Variants in FBXL20 observed in about 807,000 individuals in gnomAD.
FBXL20 encodes F-box and leucine rich repeat protein 20.
Under a neutral mutation model 64.0 loss-of-function variants are expected in FBXL20, and 11 were observed. The observed-to-expected ratio is 0.17, with a 90% CI of 0.11 to 0.28. FBXL20 has a LOEUF of 0.28. Among genes scored for constraint, FBXL20 ranks in the 10% least tolerant of loss-of-function variants. FBXL20 has a pLI of 1.00. For synonymous variants in FBXL20, 184 were observed against 189.0 expected (o/e 0.97, Z 0.22); for missense variants, 303 against 526.2 (o/e 0.58, Z 4.15).
chr17:39,402,282 T>C (rs1295997032), upstream of FBXL20: 2 of 1,156,510 alleles, frequency 1.7e-6, no homozygotes, highest in Middle Eastern at 3.2e-4. Context: ...GCCTCCGCGG[T>C]TGCCGCCGCC....
intron 10 of FBXL20, among the ~76,000 whole-genome samples, chr17:39,273,339 G>A (rs1466755530): frequency 6.6e-6 from 1 of 152,058 alleles, no homozygotes; most frequent in Admixed American, 6.6e-5. Flanking sequence ...CAACAATTAT[G>A]GTTAGGCCAG....
chr17:39,306,181 T>C (rs1262260273), intron 2 of FBXL20, among the ~76,000 whole-genome samples: 3 of 150,672 alleles, frequency 2.0e-5, no homozygotes, highest in Non-Finnish European at 1.5e-5. Context: ...GACGGAGTTT[T>C]GCTCTGTCGC....
At chr17:39,394,477 C>G (rs1028920416) in intron 1 of FBXL20, among the ~76,000 whole-genome samples, 4 of 151,634 alleles carry the variant, frequency 2.6e-5, no homozygotes, top group Non-Finnish European at 5.9e-5. Context: ...TGGGGTTTCA[C>G]CGTGTTAGCC....
At chr17:39,284,283 A>G (rs1212602629) in intron 7 of FBXL20, among the ~76,000 whole-genome samples, 1 of 152,228 alleles carries the variant, frequency 6.6e-6, no homozygotes, top group Non-Finnish European at 1.5e-5. Context: ...CAAGTTTATT[A>G]GCCTACACAG....
At chr17:39,303,129 T>C (rs1406392220) in intron 3 of FBXL20, among the ~76,000 whole-genome samples, 2 of 152,112 alleles carry the variant, frequency 1.3e-5, no homozygotes, top group Non-Finnish European at 2.9e-5. Context: ...TGCATCAACA[T>C]GTGACTTCAT....
At chr17:39,320,600 T>TC (rs1169638603) in intron 2 of FBXL20, among the ~76,000 whole-genome samples, 1 of 151,698 alleles carries the variant, frequency 6.6e-6, no homozygotes, top group East Asian at 1.9e-4. Flanking sequence ...GAATTTTTTT[T>TC]TTTTTTTTTT....
chr17:39,335,851 G>A (rs567514486), intron 2 of FBXL20, among the ~76,000 whole-genome samples: 2 of 152,182 alleles, frequency 1.3e-5, no homozygotes, highest in South Asian at 4.1e-4. Context: ...AGTATAAAAG[G>A]GGAAACAGGC....
At chr17:39,368,693 T>C (rs1213387924) in intron 1 of FBXL20, among the ~76,000 whole-genome samples, 1 of 152,192 alleles carries the variant, frequency 6.6e-6, no homozygotes, top group African/African-American at 2.4e-5. Context: ...TCTCGCTCTG[T>C]TGCCCAGGCT....
intron 2 of FBXL20, among the ~76,000 whole-genome samples, chr17:39,314,146 T>A (rs1437159791): frequency 6.6e-6 from 1 of 152,158 alleles, no homozygotes; most frequent in African/African-American, 2.4e-5. Context: ...CTCTATAGAT[T>A]TGCCTATTCC....
rs2046744697 is a variant in FBXL20 at position 39,261,461 on chromosome 17, C to T, written c.1310G>A (p.Ter437=). Residue 437 remains the stop codon, a stop_retained_variant, in exon 15 of 15, where the codon TGA becomes TAA. Transcript: ENST00000264658. ...QRFCRCCIIL[*] ...CGCCAAGGTTGACCACCTCCATTGT[C>T]ATAGGATGATGCAGCATCTGCAGAA... 6.2e-7 allele frequency: 1 copy of T among 1,612,472 alleles called. No homozygotes were observed. The highest frequency in any genetic ancestry group is 8.5e-7 in the Non-Finnish European group (1 of 1,178,656).
At chr17:39,263,336 A>G (rs1398411043) in intron 14 of FBXL20, among the ~76,000 whole-genome samples, 1 of 152,056 alleles carries the variant, frequency 6.6e-6, no homozygotes, top group Non-Finnish European at 1.5e-5. Context: ...GCAACATGGT[A>G]AAATGCCGTC....
intron 6 of FBXL20, among the ~76,000 whole-genome samples, chr17:39,291,607 G>A (rs775360375): frequency 6.6e-6 from 1 of 151,296 alleles, no homozygotes; most frequent in South Asian, 2.1e-4. Context: ...CTAATTTTTC[G>A]AATTTTTAGT....
upstream of FBXL20, chr17:39,401,722 G>T: frequency 9.1e-7 from 1 of 1,103,918 alleles, no homozygotes; most frequent in Non-Finnish European, 1.1e-6. Flanking sequence ...GAGCGCCCGG[G>T]AGGGGGAGGG....
chr17:39,350,913 T>C (rs762769964), intron 1 of FBXL20, among the ~76,000 whole-genome samples: 3 of 152,176 alleles, frequency 2.0e-5, no homozygotes, highest in Non-Finnish European at 2.9e-5. Context: ...ACAAGACCTC[T>C]ATGTGATACT....
In FBXL20 at chr17:39,352,693, A is replaced by G. The variant is rs1057447280; in HGVS notation, c.43-9452T>C. ...GAAGCTCTGTCTGGGAAAAAAAAAA[A>G]AAAAGAAAAGAAGAAAAAAAAGGAA... On this transcript the variant is annotated intron_variant, in intron 1 of 14. Transcript: ENST00000264658. Among the ~76,000 whole-genome samples the G allele has an allele frequency of 1.0e-3, 156 of 151,766 alleles. 1 individual carries two copies. Among genetic ancestry groups the G allele is most frequent in the African/African-American group, 3.6e-3 (149 of 41,386 alleles).
At chr17:39,300,348 A>C (rs1463260356) in intron 4 of FBXL20, among the ~76,000 whole-genome samples, 1 of 152,188 alleles carries the variant, frequency 6.6e-6, no homozygotes, top group Non-Finnish European at 1.5e-5. Flanking sequence ...TTTAATCCTT[A>C]AGAAGCCATG....
chr17:39,345,070 T>C (rs1301354844), intron 1 of FBXL20, among the ~76,000 whole-genome samples: 3 of 152,146 alleles, frequency 2.0e-5, no homozygotes, highest in Non-Finnish European at 1.5e-5. Flanking sequence ...AAATGGCACA[T>C]ACACATGTGA....
intron 10 of FBXL20, among the ~76,000 whole-genome samples, chr17:39,272,305 G>A (rs971243540): frequency 3.3e-5 from 5 of 151,290 alleles, no homozygotes; most frequent in African/African-American, 1.2e-4. Context: ...ACAATCACTT[G>A]AACCCAGGAG....
intron 1 of FBXL20, among the ~76,000 whole-genome samples, chr17:39,358,545 T>A (rs563659282): frequency 1.3e-5 from 2 of 152,072 alleles, no homozygotes; most frequent in African/African-American, 4.8e-5. Context: ...TATCCGGGCG[T>A]GGTGGCGTAC....
Sources: gnomAD v4.1 joint callset for allele counts (sites outside exome capture counted in the v4.1 genomes callset) on GRCh38, gnomAD v4.1.1 for gene constraint, MANE v1.5 for transcripts, NCBI Gene and HGNC (gene_info 2026-07-23, HGNC 2026-07-21) for gene names.